The following GALNT9 variants were observed in gnomAD, a reference collection of about 807,000 sequenced individuals.
The protein encoded by GALNT9 is GalNAc transferase 9.
Under a neutral mutation model 63.1 loss-of-function variants are expected in GALNT9, and 47 were observed. That is an observed-to-expected ratio of 0.75 (90% CI 0.59 to 0.95). The LOEUF is 0.95. Ranked by LOEUF, GALNT9 falls within the 40% of genes least tolerant of loss-of-function variation. The pLI is 0.00. For synonymous variants in GALNT9, 396 were observed against 365.7 expected (o/e 1.08, Z -0.94); for missense variants, 829 against 874.8 (o/e 0.95, Z 0.66).
intron 2 of GALNT9, among the ~76,000 whole-genome samples, chr12:132,285,703 G>A (rs782443073): frequency 2.6e-5 from 4 of 152,354 alleles, no homozygotes; most frequent in Admixed American, 2.0e-4. Flanking sequence ...CCTCTGCTGC[G>A]TGAGCCATGG....
At chr12:132,285,893 G>A (rs1555242090) in intron 2 of GALNT9, among the ~76,000 whole-genome samples, 2 of 152,016 alleles carry the variant, frequency 1.3e-5, no homozygotes, top group South Asian at 4.1e-4. Context: ...GGGAGAGACA[G>A]AGAGAGACAG....
intron 6 of GALNT9, among the ~76,000 whole-genome samples, chr12:132,241,709 ACC>A (rs1318860472): frequency 0.013 from 92 of 7,336 alleles, no homozygotes; most frequent in East Asian, 0.03. Flanking sequence ...CACAACACAC[ACC>A]CTTCCCGGGG....
At chr12:132,307,142 G>A (rs1226027613) in intron 1 of GALNT9, among the ~76,000 whole-genome samples, 1 of 152,128 alleles carries the variant, frequency 6.6e-6, no homozygotes, top group Admixed American at 6.5e-5. Flanking sequence ...GTGTGTCTGG[G>A]GCAATGGGGA....
At chr12:132,228,827 C>A (rs1232567269) in intron 6 of GALNT9, among the ~76,000 whole-genome samples, 2 of 152,202 alleles carry the variant, frequency 1.3e-5, no homozygotes, top group African/African-American at 4.8e-5. Flanking sequence ...CTTTATTAAG[C>A]CTAATAGACG....
rs373461693 is a variant in GALNT9, at chr12:132,282,438, C to A, written c.419+3812G>T. 6.6e-6 allele frequency among the ~76,000 whole-genome samples: 1 copy of A among 152,056 alleles called. No homozygotes were observed. The highest frequency in any genetic ancestry group is 6.5e-5 in the Admixed American group (1 of 15,274). On this transcript the variant is annotated intron_variant, in intron 2 of 10. Coordinates refer to ENST00000328957, the MANE Select transcript of GALNT9 (RefSeq NM_001122636.2). The surrounding 1 kb of genome is among the most constrained non-coding windows in gnomAD (Gnocchi z 4.5). Reference sequence around the variant, plus strand: ...GTGTGTGTGCGTGTGTGCGTGCATGCGTGTGTGTGCGTGTGCATGTGTGTG... The same window carrying A: ...GTGTGTGTGCGTGTGTGCGTGCATGAGTGTGTGTGCGTGTGCATGTGTGTG...
chr12:132,305,510 C>T lies in GALNT9; in HGVS notation c.239-19080G>A, dbSNP rs372379423. 1.8e-4 allele frequency among the ~76,000 whole-genome samples: 12 copies of T among 68,238 alleles called. 1 individual carries two copies. Among genetic ancestry groups the T allele is most frequent in the East Asian group, 4.1e-4 (1 of 2,412 alleles). The allele number at this position is 68,238 out of a possible 152,430, so 44.8% of individuals were successfully genotyped here. ...ACCCTCACCGGGGCACACCCTCACC[C>T]GGGCACAGCCTCACCCGGGCACACC... On this transcript the variant is annotated intron_variant, in intron 1 of 10. Coordinates refer to ENST00000328957, the MANE Select transcript of GALNT9 (RefSeq NM_001122636.2).
chr12:132,258,951 G>A (rs868982471), intron 4 of GALNT9, among the ~76,000 whole-genome samples: 10 of 152,218 alleles, frequency 6.6e-5, no homozygotes, highest in Non-Finnish European at 1.2e-4. Context: ...GATTCGGGTC[G>A]GCTCAGGCAG....
chr12:132,305,126 C>T (rs1158585118), intron 1 of GALNT9, among the ~76,000 whole-genome samples: 16 of 55,236 alleles, frequency 2.9e-4, no homozygotes, highest in South Asian at 2.4e-3. Flanking sequence ...CGCCCTCACC[C>T]GGGCACAGCC....
Position 132,282,418 on chromosome 12 carries a change from T to TGTGCGTGTGTGCGTGC in GALNT9, c.419+3816_419+3831dup, listed in dbSNP as rs1555241757. ...ACGTGTGTGCGCGTGTGTGCGTGTGTGTGCGTGTGTGCGTGCATGCGTGTG... is the reference window on the plus strand; with the variant it reads ...ACGTGTGTGCGCGTGTGTGCGTGTGTGTGCGTGTGTGCGTGCGTGCGTGTGTGCGTGCATGCGTGTG... On this transcript the variant is annotated intron_variant, in intron 2 of 10. Coordinates refer to ENST00000328957, the MANE Select transcript of GALNT9 (RefSeq NM_001122636.2). The surrounding 1 kb of genome is among the most constrained non-coding windows in gnomAD (Gnocchi z 4.5). 1.3e-5 allele frequency among the ~76,000 whole-genome samples: 2 copies of TGTGCGTGTGTGCGTGC among 152,098 alleles called. No homozygotes were observed. The highest frequency in any genetic ancestry group is 6.5e-5 in the Admixed American group (1 of 15,278).
Position 132,319,948 on chromosome 12 carries a change from A to G in GALNT9, c.238+9018T>C, listed in dbSNP as rs1868704264. Among the ~76,000 whole-genome samples, 1 of 152,184 alleles carries G rather than the reference A, an allele frequency of 6.6e-6. No homozygotes were observed. The highest frequency in any genetic ancestry group is 1.5e-5 in the Non-Finnish European group (1 of 68,018). Reference sequence around the variant, plus strand: ...ACACGAGGCAGGCGCTCCTAAGGAAAAGGGGGCGGCCAGCGGCCCCCACCG... The same window carrying G: ...ACACGAGGCAGGCGCTCCTAAGGAAGAGGGGGCGGCCAGCGGCCCCCACCG... On this transcript the variant is annotated intron_variant, in intron 1 of 10. Transcript: ENST00000328957. This position sits in a 1 kb window ranked among gnomAD's most constrained non-coding sequence, Gnocchi z 5.2.
intron 2 of GALNT9, among the ~76,000 whole-genome samples, chr12:132,264,511 C>T (rs1879525982): frequency 6.6e-6 from 1 of 152,246 alleles, no homozygotes; most frequent in Admixed American, 6.5e-5. Flanking sequence ...TTGGCTCCAG[C>T]CTTCTGGCTT....
rs1555245605 is a variant in GALNT9 at position 132,315,011 on chromosome 12, C to T, written c.238+13955G>A. 6.6e-6 allele frequency among the ~76,000 whole-genome samples: 1 copy of T among 152,220 alleles called. No homozygotes were observed. Among genetic ancestry groups the T allele is most frequent in the East Asian group, 1.9e-4 (1 of 5,194 alleles). Reference sequence around the variant, plus strand: ...TTTGCAGGCTCCCCTTGTCCAGCGTCCTCACAACAGAGGTGAGTGCTGTTC... The same window carrying T: ...TTTGCAGGCTCCCCTTGTCCAGCGTTCTCACAACAGAGGTGAGTGCTGTTC... On this transcript the variant is annotated intron_variant, in intron 1 of 10. Transcript: ENST00000328957. This position sits in a 1 kb window ranked among gnomAD's most constrained non-coding sequence, Gnocchi z 6.1.
intron 1 of GALNT9, among the ~76,000 whole-genome samples, chr12:132,298,156 T>A (rs1881144157): frequency 6.6e-6 from 1 of 151,884 alleles, no homozygotes; most frequent in Admixed American, 6.6e-5. Context: ...CCCACTCTCA[T>A]GATAACCAAC....
chr12:132,228,529 T>C (rs1877785479), intron 6 of GALNT9, among the ~76,000 whole-genome samples: 1 of 151,324 alleles, frequency 6.6e-6, no homozygotes. Flanking sequence ...GACACCTCTT[T>C]GCCTCTGGCG....
chr12:132,214,032 T>G (rs1296561117), intron 6 of GALNT9, among the ~76,000 whole-genome samples: 2 of 151,778 alleles, frequency 1.3e-5, no homozygotes, highest in Non-Finnish European at 2.9e-5. Flanking sequence ...AGGTCAGGCG[T>G]GGGGATGGGG....
intron 1 of GALNT9, among the ~76,000 whole-genome samples, chr12:132,287,706 A>C (rs1265491582): frequency 6.6e-6 from 1 of 152,178 alleles, no homozygotes; most frequent in Non-Finnish European, 1.5e-5. Context: ...CTGGGCTGAC[A>C]GGGAGGCTCC....
chr12:132,283,104 C>T (rs1880426852), intron 2 of GALNT9: 1 of 152,420 alleles, frequency 6.6e-6, no homozygotes, highest in African/African-American at 2.4e-5. Context: ...GACCCGGCCC[C>T]CACGACTGGA....
Position 132,282,854 on chromosome 12 carries a change from C to G in GALNT9, c.419+3396G>C, listed in dbSNP as rs1337367293. The G allele has an allele frequency of 6.6e-6, 1 of 152,418 alleles. No homozygotes were observed. The highest frequency in any genetic ancestry group is 2.4e-5 in the African/African-American group (1 of 41,428). The allele number at this position is 152,418 out of a possible 1,614,324, so 9.4% of individuals were successfully genotyped here. A position where few individuals can be genotyped will look rare whatever the true frequency, so the allele number is the denominator to read the frequency against. On this transcript the variant is annotated intron_variant, in intron 2 of 10. Transcript: ENST00000328957. The surrounding 1 kb of genome is among the most constrained non-coding windows in gnomAD (Gnocchi z 4.5). ...GGGGGGTGTGGACTTCCATCTGGAG[C>G]CGGGACAGGACCTCAGGAGGCAAAT...
rs1593074813 is a variant in GALNT9 at position 132,236,349 on chromosome 12, G to T, written c.1077+11561C>A. Among the ~76,000 whole-genome samples the T allele has an allele frequency of 6.6e-6, 1 of 152,116 alleles. No homozygotes were observed. The highest frequency in any genetic ancestry group is 1.9e-4 in the East Asian group (1 of 5,168). Reference sequence around the variant, plus strand: ...GGGCCAAGGGAGCCACATCCAGTGTGGGGGCTGCGGGCTCCAGGCCTGGTG... The same window carrying T: ...GGGCCAAGGGAGCCACATCCAGTGTTGGGGCTGCGGGCTCCAGGCCTGGTG... On this transcript the variant is annotated intron_variant, in intron 6 of 10. Transcript: ENST00000328957. This position sits in a 1 kb window ranked among gnomAD's most constrained non-coding sequence, Gnocchi z 5.6.
Sources: allele counts gnomAD v4.1 joint callset (sites outside exome capture counted in the v4.1 genomes callset), GRCh38; gene constraint gnomAD v4.1.1; non-coding constraint Gnocchi (gnomAD v3.1); transcripts MANE v1.5; gene names NCBI Gene and HGNC (gene_info 2026-07-23, HGNC 2026-07-21).